Variants in SRRM4 observed in about 807,000 individuals in gnomAD.
SRRM4 encodes serine/arginine repetitive matrix 4, also known as serine/arginine repetitive matrix protein 4.
In SRRM4, 33 loss-of-function variants were observed where a neutral mutation model predicts 68.9. That is an observed-to-expected ratio of 0.48 (90% CI 0.36 to 0.64). SRRM4 has a LOEUF of 0.64. SRRM4 is among the 30% of genes least tolerant of loss of function. The pLI, the probability that SRRM4 is intolerant of heterozygous loss-of-function variation, is 0.00. For missense variants in SRRM4, 817 were observed against 827.1 expected (o/e 0.99, Z 0.15); for synonymous variants, 318 against 318.8 (o/e 1.00, Z 0.03).
At chr12:119,070,158 C>T (rs1289689388) in intron 1 of SRRM4, among the ~76,000 whole-genome samples, 1 of 150,742 alleles carries the variant, frequency 6.6e-6, no homozygotes, top group Non-Finnish European at 1.5e-5. Flanking sequence ...AAGCACTCTA[C>T]AGTATAAGCA....
intron 1 of SRRM4, among the ~76,000 whole-genome samples, chr12:119,100,730 C>T (rs1006244844): frequency 6.6e-6 from 1 of 152,146 alleles, no homozygotes; most frequent in Non-Finnish European, 1.5e-5. Flanking sequence ...GGGTGTTAGG[C>T]AGAAAATAGA....
rs1357565530 is a variant in SRRM4, at chr12:119,156,749, A to G, written c.1787A>G (p.Gln596Arg). 2.0e-5 allele frequency: 31 copies of G among 1,545,742 alleles called. No homozygotes were observed. The highest frequency in any genetic ancestry group is 4.9e-5 in the East Asian group (2 of 40,866). The change falls in exon 13 of 13, where the codon CAG becomes CGG. Residue 596 changes from glutamine (Q) to arginine (R), a missense_variant. Coordinates refer to ENST00000267260, the MANE Select transcript of SRRM4 (RefSeq NM_194286.4). ...RSRSRSRSRS[Q>R]SRSYSSADSY... ...CGGAGCCGGAGCCGGAGCAGGAGCC[A>G]GAGCCGGAGCTACAGCTCAGCAGAC...
intron 1 of SRRM4, among the ~76,000 whole-genome samples, chr12:118,986,050 A>G (rs1419041021): frequency 6.6e-6 from 1 of 152,350 alleles, no homozygotes; most frequent in Non-Finnish European, 1.5e-5. Context: ...GCCCTGTCCA[A>G]AAGGCCATAA....
At chr12:119,134,224 A>G (rs1029773026) in intron 8 of SRRM4, among the ~76,000 whole-genome samples, 3 of 152,172 alleles carry the variant, frequency 2.0e-5, no homozygotes, top group Admixed American at 2.0e-4. Context: ...TTGGTTCTTA[A>G]TGGAAATCTT....
chr12:119,025,824 T>C (rs938858605), intron 1 of SRRM4, among the ~76,000 whole-genome samples: 1 of 151,812 alleles, frequency 6.6e-6, no homozygotes, highest in African/African-American at 2.4e-5. Flanking sequence ...TCCATGAAAA[T>C]GATCAGACCT....
chr12:119,117,127 T>G (rs1954185669), intron 4 of SRRM4, 119 bp downstream of exon 4: 1 of 843,170 alleles, frequency 1.2e-6, no homozygotes, highest in Non-Finnish European at 1.9e-6. Flanking sequence ...ATTATCTATG[T>G]CTTTTTACGT....
intron 7 of SRRM4, among the ~76,000 whole-genome samples, chr12:119,128,027 A>G (rs1954271870): frequency 6.6e-6 from 1 of 152,206 alleles, no homozygotes; most frequent in Admixed American, 6.5e-5. Context: ...TGAGACCAGA[A>G]CAGTGAGATT....
chr12:118,993,796 G>A (rs1355059953), intron 1 of SRRM4: 1 of 152,204 alleles, frequency 6.6e-6, no homozygotes, highest in Non-Finnish European at 1.5e-5. Flanking sequence ...CATTGACAAT[G>A]GGTTCATTGT....
At chr12:119,012,169 A>G (rs1008643823) in intron 1 of SRRM4, among the ~76,000 whole-genome samples, 3 of 152,192 alleles carry the variant, frequency 2.0e-5, no homozygotes, top group Non-Finnish European at 4.4e-5. Context: ...TCGTCTGGGA[A>G]TTCAGATGTC....
At chr12:119,147,830 C>G (rs1954413722) in intron 9 of SRRM4, among the ~76,000 whole-genome samples, 1 of 152,186 alleles carries the variant, frequency 6.6e-6, no homozygotes, top group Admixed American at 6.5e-5. Flanking sequence ...CTCTCTCACT[C>G]AAGAAATCAC....
intron 1 of SRRM4, chr12:119,036,984 C>G (rs1447170472): frequency 2.0e-5 from 3 of 152,172 alleles, no homozygotes; most frequent in Admixed American, 2.0e-4. Context: ...AAAGAGGACA[C>G]ACAAAGAAAT....
At position 119,102,511 on chromosome 12, in the gene SRRM4, C is replaced by T. The variant is rs755330779; in HGVS notation, c.278+129C>T. ...AAATCAAGGGTTAGTAAATATTTAC[C>T]GTAGAGGAACAAATCAGAAATATTT... is the stretch of plus-strand genomic sequence containing the variant. On this transcript the variant is annotated intron_variant, in intron 2 of 12. Coordinates refer to ENST00000267260, the MANE Select transcript of SRRM4 (RefSeq NM_194286.4). 20 of 696,812 alleles carry T rather than the reference C, an allele frequency of 2.9e-5. 1 individual carries two copies. Among genetic ancestry groups the T allele is most frequent in the South Asian group, 2.8e-4 (10 of 36,220 alleles). The allele number at this position is 696,812 out of a possible 1,614,324, so 43.2% of individuals were successfully genotyped here.
chr12:119,129,963 A>ATG (rs1954284402), intron 7 of SRRM4, among the ~76,000 whole-genome samples: 1 of 136,506 alleles, frequency 7.3e-6, no homozygotes, highest in East Asian at 2.3e-4. Flanking sequence ...AAGGAAGGAC[A>ATG]GATGGATGGA....
At chr12:119,026,693 C>T (rs576346302) in intron 1 of SRRM4, among the ~76,000 whole-genome samples, 3 of 152,172 alleles carry the variant, frequency 2.0e-5, no homozygotes, top group South Asian at 2.1e-4. Context: ...GGATTACCAG[C>T]GTGCACCACC....
chr12:119,038,976 T>C (rs943081834), intron 1 of SRRM4, among the ~76,000 whole-genome samples: 6 of 152,206 alleles, frequency 3.9e-5, no homozygotes, highest in African/African-American at 1.4e-4. Context: ...TAAGAGCAGA[T>C]CTTGTCTACT....
chr12:119,063,540 A>G (rs759680707), intron 1 of SRRM4, among the ~76,000 whole-genome samples: 1 of 152,194 alleles, frequency 6.6e-6, no homozygotes, highest in Non-Finnish European at 1.5e-5. Flanking sequence ...ATTTTCACAC[A>G]TCAATTACGT....
chr12:119,130,774 G>C lies in SRRM4; in HGVS notation c.711G>C (p.Gln237His). The change falls in exon 8 of 13, where the codon CAG becomes CAC. Residue 237 changes from glutamine (Q) to histidine (H), a missense_variant. By Grantham distance (24) the Gln-to-His change is conservative. Transcript: ENST00000267260. ...TCTGCAAGGACAGCCCTGAGGCCCA[G>C]TCCAGTCGCCCGCCCAGTCAACCCC... ...KTLCKDSPEA[Q>H]SSRPPSQPLQ... 6.2e-7 allele frequency: 1 copy of C among 1,609,966 alleles called. No homozygotes were observed. Among genetic ancestry groups the C allele is most frequent in the Non-Finnish European group, 8.5e-7 (1 of 1,179,804 alleles).
intron 8 of SRRM4, among the ~76,000 whole-genome samples, chr12:119,133,998 C>T (rs1436377737): frequency 1.3e-5 from 2 of 151,868 alleles, no homozygotes; most frequent in Non-Finnish European, 2.9e-5. Flanking sequence ...AAGGGTGAGC[C>T]AATGAAGGGG....
At chr12:119,005,027 G>A (rs918445384) in intron 1 of SRRM4, among the ~76,000 whole-genome samples, 9 of 152,162 alleles carry the variant, frequency 5.9e-5, no homozygotes, top group Non-Finnish European at 1.0e-4. Context: ...TTCAGATTTC[G>A]GTGTTTCTGA....
Sources: gnomAD v4.1 joint callset for allele counts (sites outside exome capture counted in the v4.1 genomes callset) on GRCh38, gnomAD v4.1.1 for gene constraint, MANE v1.5 for transcripts, NCBI Gene and HGNC (gene_info 2026-07-23, HGNC 2026-07-21) for gene names.